ADAM7: variants seen among roughly 807,000 people sequenced by gnomAD.
ADAM7 encodes the protein disintegrin and metalloproteinase domain-containing protein 7.
A neutral mutation model predicts 102.9 loss-of-function variants in ADAM7; 97 were observed. That is an observed-to-expected ratio of 0.94 (90% confidence interval 0.80 to 1.12). The LOEUF is 1.12. ADAM7 is among the 50% of genes most tolerant of loss of function. The probability of loss-of-function intolerance (pLI) is 0.00; values close to 1 mark genes in which losing one functional copy is unlikely to be tolerated. For synonymous variants in ADAM7, 334 were observed against 304.4 expected, an observed-to-expected ratio of 1.10 and a Z score of -1.01; for missense variants, 991 against 908.7, an observed-to-expected ratio of 1.09 and a Z score of -1.16.
At chr8:24,469,433 G>C (rs144327718) in intron 7 of ADAM7, among the ~76,000 whole-genome samples, 1 of 152,160 alleles carries the variant, frequency 6.6e-6, no homozygotes, top group Admixed American at 6.5e-5. Flanking sequence ...TCCTGTCTGT[G>C]TTATGCACAG....
intron 4 of ADAM7, among the ~76,000 whole-genome samples, chr8:24,465,448 C>T (rs187752351): frequency 2.6e-5 from 4 of 152,248 alleles, no homozygotes; most frequent in Non-Finnish European, 4.4e-5. Flanking sequence ...CATTAACAGA[C>T]TATTAAATTT....
chr8:24,501,507 C>G lies in ADAM7; in HGVS notation c.2139C>G (p.Asn713Lys). ...SPPTETLGVENKGYFGDEQQI... is the reference protein window; with the variant it reads ...SPPTETLGVEKKGYFGDEQQI... ...CTACAGAAACCCTGGGAGTGGAGAACAAAGGATACTTTGGTGATGAGCAGC... is the reference window on the plus strand; with the variant it reads ...CTACAGAAACCCTGGGAGTGGAGAAGAAAGGATACTTTGGTGATGAGCAGC... Residue 713 changes from asparagine (N) to lysine (K), a missense_variant, in exon 20 of 22, where the codon AAC (asparagine) becomes AAG (lysine). Physicochemically the swap from Asn to Lys is moderately conservative, Grantham distance 94 (BLOSUM62 0). Transcript: ENST00000175238. 6.2e-7 allele frequency: 1 copy of G among 1,608,184 alleles called. No homozygotes were observed. Among genetic ancestry groups the G allele is most frequent in the African/African-American group, 1.3e-5 (1 of 74,600 alleles).
At chr8:24,499,835 AT>A (rs1820691664) in intron 17 of ADAM7, among the ~76,000 whole-genome samples, 1 of 146,104 alleles carries the variant, frequency 6.8e-6, no homozygotes, top group Admixed American at 6.8e-5. Context: ...CACATCACAC[AT>A]CACACACACA....
chr8:24,451,119 G>A (rs1012278904), intron 3 of ADAM7, among the ~76,000 whole-genome samples: 2 of 151,610 alleles, frequency 1.3e-5, no homozygotes, highest in Non-Finnish European at 2.9e-5. Flanking sequence ...CTCTTTTTTG[G>A]TTGTGTCTCT....
chr8:24,443,677 C>T (rs1176175192), intron 2 of ADAM7, among the ~76,000 whole-genome samples: 1 of 152,108 alleles, frequency 6.6e-6, no homozygotes, highest in East Asian at 1.9e-4. Flanking sequence ...GTGGCTCATG[C>T]CTGTAACCCC....
At position 24,466,799 on chromosome 8, in the gene ADAM7, G is replaced by T. The variant is rs763792277; in HGVS notation, c.390G>T (p.Arg130Ser). Reference protein sequence around the residue: ...AASISTCNGLRGFFRINDQRY... With the variant: ...AASISTCNGLSGFFRINDQRY... ...CAAATTGTGTTCCCAATTTCTACAG[G>T]GGATTCTTCAGAATAAACGACCAAA... The change falls in exon 6 of 22, where the codon AGG becomes AGT. Residue 130 changes from arginine to serine, a missense_variant and splice_region_variant. By Grantham distance (110) the Arg-to-Ser change is moderately radical. Coordinates refer to ENST00000175238, the MANE Select transcript of ADAM7 (RefSeq NM_003817.4). 1.2e-6 allele frequency: 2 copies of T among 1,610,716 alleles called. No homozygotes were observed. Among genetic ancestry groups the T allele is most frequent in the South Asian group, 2.2e-5 (2 of 90,158 alleles).
At chr8:24,502,794 T>C (rs2129396782) in intron 20 of ADAM7, among the ~76,000 whole-genome samples, 1 of 152,218 alleles carries the variant, frequency 6.6e-6, no homozygotes, top group African/African-American at 2.4e-5. Context: ...ATTTAAAAAT[T>C]CATGAATGCA....
At chr8:24,444,704 G>A (rs1032425289) in intron 2 of ADAM7, among the ~76,000 whole-genome samples, 38 of 151,120 alleles carry the variant, frequency 2.5e-4, no homozygotes, top group Non-Finnish European at 5.3e-4. Context: ...ACAAAAAAAC[G>A]AAAAAACCTG....
chr8:24,500,793 T>A lies in ADAM7; in HGVS notation c.2006T>A (p.Ile669Asn). ...CCCATGTTTCTTCATGTTGCAGATATCACCATCTTGGTTGTTGTGCTTGTC... is the reference window on the plus strand; with the variant it reads ...CCCATGTTTCTTCATGTTGCAGATAACACCATCTTGGTTGTTGTGCTTGTC... ...ACEETLHVTN[I>N]TILVVVLVLV... The change falls in exon 19 of 22, where the codon ATC becomes AAC. Residue 669 changes from isoleucine (I) to asparagine (N), a missense_variant. By Grantham distance (149) the Ile-to-Asn change is moderately radical. Coordinates refer to ENST00000175238, the MANE Select transcript of ADAM7 (RefSeq NM_003817.4). 1 of 1,612,614 alleles carries A rather than the reference T, an allele frequency of 6.2e-7. No homozygotes were observed.
intron 20 of ADAM7, among the ~76,000 whole-genome samples, chr8:24,501,988 A>G (rs1292236420): frequency 6.6e-6 from 1 of 152,054 alleles, no homozygotes; most frequent in Non-Finnish European, 1.5e-5. Context: ...ATTTGAGATG[A>G]GCCTGGCCAA....
At chr8:24,506,009 T>C in intron 20 of ADAM7, 1 of 1,066,372 alleles carries the variant, frequency 9.4e-7, no homozygotes. Context: ...GATAACAATC[T>C]ACACAAGAAT....
In ADAM7 at chr8:24,442,374, C is replaced by T. The variant is rs956184935; in HGVS notation, c.53-99C>T. 53 of 830,478 alleles carry T rather than the reference C, an allele frequency of 6.4e-5. 1 individual carries two copies. The South Asian group carries it at 6.8e-4, about 11-fold the overall frequency. The allele number at this position is 830,478 out of a possible 1,614,324, so 51.4% of individuals were successfully genotyped here. A position where few individuals can be genotyped will look rare whatever the true frequency, so the allele number is the denominator to read the frequency against. ...TAGTGTTGCTGTCCATGGCTGCTAA[C>T]TGGGGGCAAATGAACTGTATTAGAA... On this transcript the variant is annotated intron_variant, in intron 1 of 21. Coordinates refer to ENST00000175238, the MANE Select transcript of ADAM7 (RefSeq NM_003817.4).
At chr8:24,448,987 C>T (rs1240223785) in intron 3 of ADAM7, among the ~76,000 whole-genome samples, 1 of 152,060 alleles carries the variant, frequency 6.6e-6, no homozygotes, top group African/African-American at 2.4e-5. Flanking sequence ...TGAACTCATC[C>T]TTTTTTATGG....
intron 16 of ADAM7, among the ~76,000 whole-genome samples, chr8:24,497,000 C>T (rs933389790): frequency 2.4e-4 from 37 of 152,290 alleles, no homozygotes; most frequent in African/African-American, 7.7e-4. Context: ...CAAATCTCAT[C>T]TTGAATTCCC....
intron 20 of ADAM7, 65 bp downstream of exon 20, chr8:24,501,641 T>A: frequency 7.9e-7 from 1 of 1,272,790 alleles, no homozygotes; most frequent in Non-Finnish European, 1.1e-6. Context: ...CTGAATGTGT[T>A]TAAAGTAGAA....
At chr8:24,483,904 A>T (rs1585901361) in intron 9 of ADAM7, among the ~76,000 whole-genome samples, 1 of 152,304 alleles carries the variant, frequency 6.6e-6, no homozygotes, top group Non-Finnish European at 1.5e-5. Context: ...TATCAATAGG[A>T]TGTCTGCAAG....
intron 3 of ADAM7, among the ~76,000 whole-genome samples, chr8:24,455,320 T>C (rs1334874705): frequency 6.6e-6 from 1 of 152,184 alleles, no homozygotes; most frequent in Non-Finnish European, 1.5e-5. Flanking sequence ...CTCCATGTTA[T>C]TTTTATGCAT....
chr8:24,499,343 A>ATGTC, intron 17 of ADAM7, 27 bp downstream of exon 17: 1 of 1,533,634 alleles, frequency 6.5e-7, no homozygotes, highest in Non-Finnish European at 8.9e-7. Flanking sequence ...TTCAAAATTA[A>ATGTC]TGTCTTATCA....
chr8:24,446,779 G>C (rs963590229), intron 2 of ADAM7, among the ~76,000 whole-genome samples: 3 of 151,114 alleles, frequency 2.0e-5, no homozygotes, highest in African/African-American at 7.3e-5. Context: ...GTGTATCCTT[G>C]GATGAGGAGA....
Sources: gnomAD v4.1 joint callset for allele counts (sites outside exome capture counted in the v4.1 genomes callset) on GRCh38, gnomAD v4.1.1 for gene constraint, MANE v1.5 for transcripts, NCBI Gene and HGNC (gene_info 2026-07-23, HGNC 2026-07-21) for gene names.